GALNT14: variants seen among roughly 807,000 people sequenced by gnomAD.
GALNT14 encodes polypeptide N-acetylgalactosaminyltransferase 14, also known as UDP-GalNAc:polypeptide N-acetylgalactosaminyltransferase 14.
GALNT14 carries 60 observed loss-of-function variants against 77.5 expected under a neutral mutation model. The ratio of observed to expected loss-of-function variants is 0.77; its 90% CI spans 0.63 to 0.96. The LOEUF is 0.96. GALNT14 is among the 40% of genes least tolerant of loss of function. GALNT14 has a pLI of 0.00. For synonymous variants in GALNT14, 280 were observed against 281.7 expected, an observed-to-expected ratio of 0.99 and a Z score of 0.06; for missense variants, 710 against 731.0, an observed-to-expected ratio of 0.97 and a Z score of 0.33.
intron 13 of GALNT14, among the ~76,000 whole-genome samples, chr2:30,919,896 G>C (rs1280910044): frequency 6.6e-6 from 1 of 152,160 alleles, no homozygotes; most frequent in Non-Finnish European, 1.5e-5. Context: ...CATAACATAA[G>C]GGAGGGGACT....
chr2:31,111,995 CTTT>C (rs398080139), intron 1 of GALNT14, among the ~76,000 whole-genome samples: 1 of 134,118 alleles, frequency 7.5e-6, no homozygotes. Context: ...TGTGTACTTG[CTTT>C]TTTTTTTTTT....
At chr2:31,136,274 C>G (rs1349269760) in intron 1 of GALNT14, among the ~76,000 whole-genome samples, 1 of 152,208 alleles carries the variant, frequency 6.6e-6, no homozygotes, top group Non-Finnish European at 1.5e-5. Flanking sequence ...CTTTATCCCT[C>G]CAACCTCCAC....
intron 1 of GALNT14, 69 bp from the exon 2 acceptor site, chr2:30,993,076 A>C: frequency 6.5e-7 from 1 of 1,532,868 alleles, no homozygotes; most frequent in Non-Finnish European, 8.9e-7. Context: ...TCTGCCTATC[A>C]GTACCCAACC....
intron 1 of GALNT14, among the ~76,000 whole-genome samples, chr2:31,046,774 C>T (rs947653200): frequency 1.1e-4 from 16 of 152,054 alleles, no homozygotes; most frequent in Admixed American, 6.6e-4. Flanking sequence ...AATCTAATTT[C>T]GTTTTCCAGG....
chr2:30,955,585 C>T (rs751054367), intron 6 of GALNT14, 33 bp downstream of exon 6: 70 of 1,604,044 alleles, frequency 4.4e-5, no homozygotes, highest in South Asian at 3.9e-4. Context: ...AGCTGGGGCA[C>T]GAGGCCCGGC....
At chr2:31,094,357 T>C (rs1018232011) in intron 1 of GALNT14, among the ~76,000 whole-genome samples, 2 of 152,226 alleles carry the variant, frequency 1.3e-5, no homozygotes, top group African/African-American at 4.8e-5. Context: ...TTGCTGACTC[T>C]CTTTTTGGAC....
At chr2:30,972,995 A>G (rs1431092866) in intron 2 of GALNT14, among the ~76,000 whole-genome samples, 2 of 152,240 alleles carry the variant, frequency 1.3e-5, no homozygotes, top group Non-Finnish European at 2.9e-5. Flanking sequence ...ATGTTGACCT[A>G]AATAGAAATT....
chr2:31,054,026 C>T (rs1337133765), intron 1 of GALNT14, among the ~76,000 whole-genome samples: 1 of 152,212 alleles, frequency 6.6e-6, no homozygotes, highest in African/African-American at 2.4e-5. Flanking sequence ...GTCATTCACT[C>T]AGGCATGCCT....
At chr2:31,051,422 TC>T (rs1673857662) in intron 1 of GALNT14, among the ~76,000 whole-genome samples, 1 of 152,130 alleles carries the variant, frequency 6.6e-6, no homozygotes, top group Non-Finnish European at 1.5e-5. Context: ...AAGTCAGGTT[TC>T]CCAAAGAAGG....
intron 1 of GALNT14, among the ~76,000 whole-genome samples, chr2:31,123,749 C>T (rs1678540505): frequency 6.6e-6 from 1 of 152,174 alleles, no homozygotes; most frequent in African/African-American, 2.4e-5. Context: ...TTCAACCATG[C>T]AGAACAACGC....
At chr2:31,079,173 C>T in intron 1 of GALNT14, 3 of 674,790 alleles carry the variant, frequency 4.4e-6, no homozygotes, top group South Asian at 3.9e-5. Context: ...CCAGGCTCCA[C>T]ATCAGTGTGG....
chr2:30,911,000 T>G lies in GALNT14; in HGVS notation c.1560A>C (p.Thr520=). The stretch of plus-strand genomic sequence containing the variant: ...TCTCGGTGCCATCACCGAACATATC[T>G]GTATCGAGGCAGAGGTGGGATGCTA... ...EHIASHLCLD[T]DMFGDGTENG... The change falls in exon 15 of 15, where the codon ACA becomes ACC. Residue 520 remains threonine, a synonymous_variant. Coordinates refer to ENST00000349752, the MANE Select transcript of GALNT14 (RefSeq NM_024572.4). 6.2e-7 allele frequency: 1 copy of G among 1,614,000 alleles called. No homozygotes were observed. Among genetic ancestry groups the G allele is most frequent in the Non-Finnish European group, 8.5e-7 (1 of 1,179,988 alleles).
intron 1 of GALNT14, among the ~76,000 whole-genome samples, chr2:31,045,023 A>G (rs1673346416): frequency 6.6e-6 from 1 of 152,158 alleles, no homozygotes; most frequent in Non-Finnish European, 1.5e-5. Context: ...AAAGACTTCA[A>G]GAGGGGAGGT....
intron 1 of GALNT14, among the ~76,000 whole-genome samples, chr2:31,128,208 C>G (rs1031939072): frequency 1.3e-5 from 2 of 152,088 alleles, no homozygotes; most frequent in Non-Finnish European, 2.9e-5. Flanking sequence ...AGAGTCTGGT[C>G]CCTGTACTGG....
At chr2:30,929,108 C>A (rs761908042) in intron 11 of GALNT14, among the ~76,000 whole-genome samples, 1 of 152,178 alleles carries the variant, frequency 6.6e-6, no homozygotes. Context: ...TGCCTCCTTC[C>A]TGTCTGCAAA....
intron 1 of GALNT14, among the ~76,000 whole-genome samples, chr2:31,002,181 C>T (rs1670406193): frequency 6.6e-6 from 1 of 152,142 alleles, no homozygotes; most frequent in African/African-American, 2.4e-5. Flanking sequence ...GTAATCCCAG[C>T]ACTTTTGGGA....
downstream of GALNT14, among the ~76,000 whole-genome samples, chr2:30,909,500 C>T (rs1287069140): frequency 1.3e-5 from 2 of 150,664 alleles, no homozygotes; most frequent in Non-Finnish European, 3.0e-5. Flanking sequence ...CAAATCAAAA[C>T]CACAATGAGA....
At chr2:30,912,108 T>C in intron 14 of GALNT14, 115 bp downstream of exon 14, 1 of 1,361,860 alleles carries the variant, frequency 7.3e-7, no homozygotes. Flanking sequence ...TGACCTCTCT[T>C]ATCAACTCTT....
chr2:30,931,637 G>C (rs761141439), intron 10 of GALNT14, among the ~76,000 whole-genome samples: 22 of 152,034 alleles, frequency 1.4e-4, no homozygotes, highest in Non-Finnish European at 2.8e-4. Context: ...TGCATCCCTT[G>C]GGCCTCCCCA....
Sources: allele counts gnomAD v4.1 joint callset (sites outside exome capture counted in the v4.1 genomes callset), GRCh38; gene constraint gnomAD v4.1.1; transcripts MANE v1.5; gene names NCBI Gene and HGNC (gene_info 2026-07-23, HGNC 2026-07-21).